TMLHE: variants seen among roughly 807,000 people sequenced by gnomAD.
TMLHE encodes the protein trimethyllysine hydroxylase, epsilon.
A neutral mutation model predicts 25.7 loss-of-function variants in TMLHE; 18 were observed. That is an observed-to-expected ratio of 0.70 (90% CI 0.48 to 1.04). The LOEUF (loss-of-function observed/expected upper bound fraction) is 1.04, where lower values mean the gene tolerates loss of function less well. Among genes scored for constraint, TMLHE ranks in the 50% least tolerant of loss-of-function variants. The probability of loss-of-function intolerance (pLI) is 0.00; values close to 1 mark genes in which losing one functional copy is unlikely to be tolerated. For synonymous variants in TMLHE, 105 were observed against 97.0 expected (o/e 1.08, Z -0.49); for missense variants, 236 against 259.0 (o/e 0.91, Z 0.61).
chrX:155,594,396 A>G (rs967924795), intron 1 of TMLHE, among the ~76,000 whole-genome samples: 3 of 111,767 alleles, frequency 2.7e-5, no homozygotes, highest in Non-Finnish European at 5.6e-5. Context: ...AAAAAGAAAA[A>G]AATGAGGGAG....
At chrX:155,539,779 T>C (rs1439235766) in intron 2 of TMLHE, among the ~76,000 whole-genome samples, 2 of 110,588 alleles carry the variant, frequency 1.8e-5, no homozygotes, top group Non-Finnish European at 3.8e-5. Context: ...AGAACATAGA[T>C]AGGCAACTAA....
chrX:155,526,329 G>A (rs782400516), intron 2 of TMLHE, among the ~76,000 whole-genome samples: 1 of 113,048 alleles, frequency 8.8e-6, no homozygotes, highest in Admixed American at 9.2e-5. Flanking sequence ...CATTGCTTCA[G>A]AGGATGCAGG....
At chrX:155,504,353 G>A (rs1370839451) in intron 6 of TMLHE, among the ~76,000 whole-genome samples, 7 of 76,663 alleles carry the variant, frequency 9.1e-5, no homozygotes, top group Non-Finnish European at 1.5e-4. Flanking sequence ...GTAAGATACC[G>A]CTTCACAGCC....
intron 1 of TMLHE, among the ~76,000 whole-genome samples, chrX:155,560,332 G>A (rs928625699): frequency 7.3e-5 from 8 of 109,859 alleles, no homozygotes; most frequent in African/African-American, 2.3e-4. Flanking sequence ...ATATTTGTCG[G>A]GTGTCTACTT....
chrX:155,542,487 T>C (rs1463158161), intron 2 of TMLHE, among the ~76,000 whole-genome samples: 1 of 111,603 alleles, frequency 9.0e-6, no homozygotes, highest in Non-Finnish European at 1.9e-5. Context: ...TCCAATGGAA[T>C]TTGTTGTAGA....
chrX:155,588,202 C>T (rs1557345509), intron 1 of TMLHE, among the ~76,000 whole-genome samples: 1 of 111,759 alleles, frequency 8.9e-6, no homozygotes, highest in African/African-American at 3.2e-5. Flanking sequence ...AATCCATGTA[C>T]TTATATCCAA....
At chrX:155,508,510 G>C (rs782305526) in intron 5 of TMLHE, among the ~76,000 whole-genome samples, 1 of 111,154 alleles carries the variant, frequency 9.0e-6, no homozygotes, top group Non-Finnish European at 1.9e-5. Context: ...GAGCATGGAA[G>C]AGGTCGTTTG....
At chrX:155,542,225 G>C (rs781939415) in intron 2 of TMLHE, among the ~76,000 whole-genome samples, 39 of 111,270 alleles carry the variant, frequency 3.5e-4, no homozygotes, top group Non-Finnish European at 6.8e-4. Flanking sequence ...TTTTGTGTAA[G>C]GTATAAGGAA....
chrX:155,585,052 GAA>G lies in TMLHE; in HGVS notation c.-2+27738_-2+27739del, dbSNP rs782578441. Among the ~76,000 whole-genome samples the G allele has an allele frequency of 1.7e-3, 191 of 110,995 alleles. 1 individual carries two copies. The highest frequency in any genetic ancestry group is 3.2e-3 in the Non-Finnish European group (168 of 52,844). ...AACAAACAATAAGAGAAAACAAAAG[GAA>G]CAAAAAATATACAAAACAACCAGAA... On this transcript the variant is annotated intron_variant, in intron 1 of 7. Coordinates refer to ENST00000334398, the MANE Select transcript of TMLHE (RefSeq NM_018196.4).
intron 1 of TMLHE, among the ~76,000 whole-genome samples, chrX:155,579,621 T>G (rs2067612647): frequency 8.9e-6 from 1 of 111,905 alleles, no homozygotes; most frequent in South Asian, 3.7e-4. Flanking sequence ...AATCTGTCAC[T>G]CTGGTAGTGA....
At chrX:155,548,376 TGCAAACTGGCAGCAGGTA>T (rs2124419574) in intron 1 of TMLHE, among the ~76,000 whole-genome samples, 2 of 112,206 alleles carry the variant, frequency 1.8e-5, no homozygotes, top group African/African-American at 6.5e-5. Flanking sequence ...TCAAGCAATT[TGCAAACTGGCAGCAGGTA>T]TCTGAAATTC....
intron 1 of TMLHE, among the ~76,000 whole-genome samples, chrX:155,606,813 A>AAC (rs1557347875): frequency 9.2e-6 from 1 of 108,871 alleles, no homozygotes; most frequent in East Asian, 2.9e-4. Context: ...AAAAAAAAAA[A>AAC]AACCCCATCA....
intron 2 of TMLHE, among the ~76,000 whole-genome samples, chrX:155,526,465 C>G (rs1333646499): frequency 8.9e-6 from 1 of 112,843 alleles, no homozygotes; most frequent in Non-Finnish European, 1.9e-5. Context: ...AGGCAGAAGT[C>G]TATTGCAGGG....
intron 1 of TMLHE, among the ~76,000 whole-genome samples, chrX:155,592,658 G>T (rs782249331): frequency 8.9e-6 from 1 of 111,902 alleles, no homozygotes; most frequent in East Asian, 2.8e-4. Context: ...ACCTCATGGG[G>T]AACAGAAAGA....
intron 1 of TMLHE, among the ~76,000 whole-genome samples, chrX:155,572,308 A>G (rs2067559507): frequency 1.8e-5 from 1 of 56,046 alleles, no homozygotes; most frequent in Non-Finnish European, 4.6e-5. Context: ...AAGGAGAACT[A>G]CAAACCACTG....
chrX:155,571,921 G>A lies in TMLHE; in HGVS notation c.-1-26644C>T, dbSNP rs1164160958. On this transcript the variant is annotated intron_variant, in intron 1 of 7. Coordinates refer to ENST00000334398, the MANE Select transcript of TMLHE (RefSeq NM_018196.4). Reference sequence around the variant, plus strand: ...CTGGAAGCATTCCCTTTGAAAACTGGCACAAGACAGGGATGCCCTCTCTCA... The same window carrying A: ...CTGGAAGCATTCCCTTTGAAAACTGACACAAGACAGGGATGCCCTCTCTCA... Among the ~76,000 whole-genome samples the A allele has an allele frequency of 7.4e-5, 4 of 54,327 alleles. 1 individual carries two copies. The highest frequency in any genetic ancestry group is 1.9e-4 in the Non-Finnish European group (4 of 21,089). 47.2% of individuals were successfully genotyped at this position (54,327 alleles called of 115,157 possible). A position where few individuals can be genotyped will look rare whatever the true frequency, so the allele number is the denominator to read the frequency against.
intron 1 of TMLHE, among the ~76,000 whole-genome samples, chrX:155,604,888 A>G (rs1460128214): frequency 8.9e-6 from 1 of 112,142 alleles, no homozygotes; most frequent in Non-Finnish European, 1.9e-5. Context: ...GCACTCTGAC[A>G]ATGTCCAGAA....
intron 1 of TMLHE, among the ~76,000 whole-genome samples, chrX:155,593,142 C>T (rs1159296260): frequency 8.9e-6 from 1 of 111,735 alleles, no homozygotes; most frequent in Non-Finnish European, 1.9e-5. Flanking sequence ...ATCTTGGAGA[C>T]CAGCCTGCAC....
At chrX:155,512,183 A>T (rs1176869928) in intron 4 of TMLHE, among the ~76,000 whole-genome samples, 6 of 110,664 alleles carry the variant, frequency 5.4e-5, no homozygotes, top group Non-Finnish European at 9.4e-5. Context: ...AATTATTATT[A>T]TACTTTAAGT....
Sources: gnomAD v4.1 joint callset for allele counts (sites outside exome capture counted in the v4.1 genomes callset) on GRCh38, gnomAD v4.1.1 for gene constraint, MANE v1.5 for transcripts, NCBI Gene and HGNC (gene_info 2026-07-23, HGNC 2026-07-21) for gene names.